Variants in CPQ observed in about 807,000 individuals in gnomAD.
CPQ encodes carboxypeptidase Q.
CPQ carries 37 observed loss-of-function variants against 45.7 expected under a neutral mutation model. The observed-to-expected ratio is 0.81, with a 90% CI of 0.62 to 1.07. CPQ has a LOEUF of 1.07. CPQ is among the 50% of genes least tolerant of loss of function. The pLI, the probability that CPQ is intolerant of heterozygous loss-of-function variation, is 0.00. For missense variants in CPQ, 537 were observed against 572.9 expected (o/e 0.94, Z 0.64); for synonymous variants, 186 against 205.8 (o/e 0.90, Z 0.82).
chr8:96,748,562 TAAA>T (rs916035362), intron 1 of CPQ, among the ~76,000 whole-genome samples: 1 of 151,384 alleles, frequency 6.6e-6, no homozygotes, highest in Non-Finnish European at 1.5e-5. Flanking sequence ...TTATTAATAA[TAAA>T]AAAAAACCAA....
chr8:96,735,271 G>A (rs1809967675), intron 1 of CPQ, among the ~76,000 whole-genome samples: 1 of 152,180 alleles, frequency 6.6e-6, no homozygotes. Flanking sequence ...CCTAGGGCCT[G>A]GCATATATTA....
intron 7 of CPQ, among the ~76,000 whole-genome samples, chr8:97,102,845 A>G (rs1811336923): frequency 6.6e-6 from 1 of 152,204 alleles, no homozygotes; most frequent in Non-Finnish European, 1.5e-5. Flanking sequence ...AGATGACTTA[A>G]AACAACAACA....
intron 7 of CPQ, among the ~76,000 whole-genome samples, chr8:97,071,481 A>G (rs1011343117): frequency 3.3e-5 from 5 of 152,072 alleles, no homozygotes; most frequent in African/African-American, 1.2e-4. Flanking sequence ...AGAAACCTCA[A>G]AAGCACCCAG....
At chr8:96,761,022 T>C (rs1810395090) in intron 1 of CPQ, 1 of 152,304 alleles carries the variant, frequency 6.6e-6, no homozygotes, top group Admixed American at 6.5e-5. Flanking sequence ...AACTGTGGTG[T>C]GGCTGAGCAT....
chr8:96,835,315 A>T (rs1204115345), intron 3 of CPQ, 135 bp downstream of exon 3: 1 of 596,338 alleles, frequency 1.7e-6, no homozygotes, highest in African/African-American at 1.9e-5. Flanking sequence ...AAACACACAC[A>T]CCCATTCCAC....
intron 1 of CPQ, among the ~76,000 whole-genome samples, chr8:96,716,204 G>T (rs113403669): frequency 2.0e-5 from 3 of 152,212 alleles, no homozygotes; most frequent in African/African-American, 7.2e-5. Context: ...GGACTGTGTT[G>T]GTTGGCTTCT....
intron 7 of CPQ, among the ~76,000 whole-genome samples, chr8:97,082,839 A>T (rs1235014100): frequency 1.3e-5 from 2 of 152,154 alleles, no homozygotes; most frequent in Non-Finnish European, 2.9e-5. Flanking sequence ...GACTAGGCAG[A>T]GTTATTTATT....
intron 2 of CPQ, among the ~76,000 whole-genome samples, chr8:96,799,092 A>C (rs1242065731): frequency 6.6e-6 from 1 of 152,232 alleles, no homozygotes; most frequent in African/African-American, 2.4e-5. Context: ...TCCAAATAAC[A>C]AGAAATTTTG....
intron 1 of CPQ, among the ~76,000 whole-genome samples, chr8:96,753,676 T>C (rs116623780): frequency 0.019 from 2,910 of 152,174 alleles, 101 homozygotes; most frequent in African/African-American, 0.067. Flanking sequence ...AGTATTATTA[T>C]TGATTTTGGT....
At chr8:97,110,279 G>A (rs896442108) in intron 7 of CPQ, among the ~76,000 whole-genome samples, 7 of 152,080 alleles carry the variant, frequency 4.6e-5, no homozygotes, top group African/African-American at 7.2e-5. Context: ...ATTCATCCAC[G>A]CTGTTGCATT....
chr8:96,931,717 G>A (rs761265845), intron 4 of CPQ, among the ~76,000 whole-genome samples: 13 of 152,146 alleles, frequency 8.5e-5, no homozygotes, highest in Non-Finnish European at 1.3e-4. Context: ...GAGTGTCTCA[G>A]ACTTCGAGAC....
chr8:96,838,102 C>G (rs1455970352), intron 3 of CPQ, among the ~76,000 whole-genome samples: 1 of 152,196 alleles, frequency 6.6e-6, no homozygotes, highest in Non-Finnish European at 1.5e-5. Context: ...CCCTGATATC[C>G]ACTTGTAGCC....
At chr8:97,078,763 TTCTCTCTCTCTCTCTCTCTCTCTCTCTC>T (rs749278181) in intron 7 of CPQ, among the ~76,000 whole-genome samples, 4 of 100,292 alleles carry the variant, frequency 4.0e-5, no homozygotes, top group African/African-American at 1.4e-4. Context: ...TCATTTCCAT[TTCTCTCTCTCTCTCTCTCTCTCTCTCTC>T]TCTCTCTCTC....
chr8:97,043,368 G>T (rs1306621023), intron 6 of CPQ, among the ~76,000 whole-genome samples: 3 of 151,420 alleles, frequency 2.0e-5, no homozygotes, highest in Admixed American at 1.3e-4. Context: ...TTTATTTTGA[G>T]CCTATGTGTG....
intron 1 of CPQ, among the ~76,000 whole-genome samples, chr8:96,711,056 A>G (rs1809602256): frequency 6.6e-6 from 1 of 152,048 alleles, no homozygotes; most frequent in Non-Finnish European, 1.5e-5. Context: ...ATTTAGGATT[A>G]TAATGTCTTC....
chr8:96,750,932 C>T (rs926929775), intron 1 of CPQ, among the ~76,000 whole-genome samples: 4 of 152,066 alleles, frequency 2.6e-5, no homozygotes, highest in African/African-American at 9.7e-5. Context: ...TAATGGCTTC[C>T]AGCTCCATCC....
rs960740891 is a variant in CPQ, at chr8:96,984,600, A to G, written c.961+18554A>G. Among the ~76,000 whole-genome samples, 5 of 152,230 alleles carry G rather than the reference A, an allele frequency of 3.3e-5. No individual in the cohort carries two copies. The East Asian group carries it at 9.6e-4, about 29-fold the overall frequency. On this transcript the variant is annotated intron_variant, in intron 5 of 7. Coordinates refer to ENST00000220763, the MANE Select transcript of CPQ (RefSeq NM_016134.4). ...GAACTTGTCAGGCTTTAGAACTGTG[A>G]GAAAATAAATTCCTGTTCTTTATAA...
intron 4 of CPQ, among the ~76,000 whole-genome samples, chr8:96,912,453 A>T (rs371430462): frequency 1.6e-4 from 24 of 152,304 alleles, no homozygotes; most frequent in African/African-American, 5.3e-4. Flanking sequence ...TCAGAAAAAA[A>T]GTCTCAAAGT....
intron 7 of CPQ, among the ~76,000 whole-genome samples, chr8:97,093,930 A>C (rs537479472): frequency 8.5e-5 from 13 of 152,168 alleles, no homozygotes; most frequent in Admixed American, 3.9e-4. Context: ...TCCTAAATTC[A>C]CTGAATTAGT....
Sources: allele counts gnomAD v4.1 joint callset (sites outside exome capture counted in the v4.1 genomes callset), GRCh38; gene constraint gnomAD v4.1.1; transcripts MANE v1.5; gene names NCBI Gene and HGNC (gene_info 2026-07-23, HGNC 2026-07-21).